The following SAP18 variants were observed in gnomAD, a reference collection of about 807,000 sequenced individuals.
SAP18 encodes the protein histone deacetylase complex subunit SAP18.
In SAP18, 4 loss-of-function variants were observed where a neutral mutation model predicts 18.6. That is an observed-to-expected ratio of 0.21 (90% confidence interval 0.11 to 0.49). SAP18 has a LOEUF of 0.49. SAP18 is among the 20% of genes least tolerant of loss of function. SAP18 has a pLI of 0.98. For synonymous variants in SAP18, 112 were observed against 82.8 expected (o/e 1.35, Z -1.92); for missense variants, 170 against 226.4 (o/e 0.75, Z 1.60).
At chr13:21,141,105 C>T (rs1869450592) in intron 2 of SAP18, 110 bp downstream of exon 2, 1 of 738,634 alleles carries the variant, frequency 1.4e-6, no homozygotes, top group Non-Finnish European at 2.3e-6. Context: ...CATTTCTCCA[C>T]TTGGGGCCTT....
At chr13:21,146,641 T>C (rs1423737079) in intron 2 of SAP18, 164 bp from the exon 3 acceptor site, 5 of 497,334 alleles carry the variant, frequency 1.0e-5, no homozygotes, top group Non-Finnish European at 1.7e-5. Flanking sequence ...TGGAGGCAAA[T>C]AGTATTTTTA....
At chr13:21,144,785 A>G (rs1869589086) in intron 2 of SAP18, among the ~76,000 whole-genome samples, 1 of 152,190 alleles carries the variant, frequency 6.6e-6, no homozygotes, top group Non-Finnish European at 1.5e-5. Context: ...TGGTCTGGAA[A>G]GACAGTCCTT....
At chr13:21,147,289 A>G (rs762471125) in exon 4 of SAP18, 1 of 1,614,116 alleles carries the variant, frequency 6.2e-7, no homozygotes, top group Non-Finnish European at 8.5e-7. Flanking sequence ...GGACATAGCA[A>G]TTACCCCTCC....
chr13:21,140,575 G>T (rs548145674), exon 1 of SAP18: 3 of 1,603,958 alleles, frequency 1.9e-6, no homozygotes, highest in Admixed American at 3.4e-5. Flanking sequence ...GGGGTCGGAG[G>T]TCAGGGCGAG....
chr13:21,146,785 C>A lies in SAP18; in HGVS notation c.240-20C>A. 6.4e-7 allele frequency: 1 copy of A among 1,568,232 alleles called. No individual in the cohort carries two copies. ...CTGATTAATAAGCAAATGTAAATGT[C>A]TTTTTTAAAAAAAATCCAGGATGGA... On this transcript the variant is annotated intron_variant, in intron 2 of 3. Coordinates refer to ENST00000621421, the Ensembl canonical transcript of SAP18.
At chr13:21,146,637 C>A in intron 2 of SAP18, 168 bp from the exon 3 acceptor site, 1 of 483,206 alleles carries the variant, frequency 2.1e-6, no homozygotes. Flanking sequence ...TTTTTGGAGG[C>A]AAATAGTATT....
chr13:21,145,712 C>CA (rs1869626972), intron 2 of SAP18, among the ~76,000 whole-genome samples: 1 of 152,174 alleles, frequency 6.6e-6, no homozygotes, highest in Non-Finnish European at 1.5e-5. Flanking sequence ...GGGGTTTCAC[C>CA]ATGTTGGCCA....
exon 1 of SAP18, chr13:21,140,527 T>C (rs768613316): frequency 3.8e-6 from 6 of 1,561,672 alleles, no homozygotes; most frequent in South Asian, 3.5e-5. Context: ...AGTGTCGAGC[T>C]TCTCCTCGCG....
exon 4 of SAP18, chr13:21,147,490 C>CTAT: frequency 1.4e-6 from 1 of 710,064 alleles, no homozygotes; most frequent in South Asian, 1.9e-5. Context: ...TTTGGATGTG[C>CTAT]TATTGTATGA....
chr13:21,149,035 C>T (rs1869755151), exon 4 of SAP18: 2 of 151,892 alleles, frequency 1.3e-5, no homozygotes, highest in Non-Finnish European at 2.9e-5. Flanking sequence ...AATAACTGAG[C>T]TGTTTCCCCG....
exon 4 of SAP18, chr13:21,148,018 A>ATT (rs1869709319): frequency 6.6e-6 from 1 of 152,060 alleles, no homozygotes; most frequent in Admixed American, 6.6e-5. Context: ...AGATCTGCAA[A>ATT]TGGAGGGAGG....
At chr13:21,145,065 C>CTTTT (rs1167195491) in intron 2 of SAP18, among the ~76,000 whole-genome samples, 59 of 127,730 alleles carry the variant, frequency 4.6e-4, no homozygotes, top group Non-Finnish European at 7.2e-4. Flanking sequence ...TTCTTGACCT[C>CTTTT]TTTTTTTTTT....
In SAP18 at chr13:21,140,532, C is replaced by T. The variant is rs761716479; in HGVS notation, c.-21C>T. The T allele has an allele frequency of 4.9e-5, 77 of 1,565,418 alleles. 1 individual carries two copies. In the South Asian group the frequency reaches 4.9e-4, roughly 10 times the overall value. On this transcript the variant is annotated 5_prime_UTR_variant, in exon 1 of 4. Coordinates refer to ENST00000621421, the Ensembl canonical transcript of SAP18. ...CCGACTATAAAGTGTCGAGCTTCTC[C>T]TCGCGAGAGACTTAGTGCTCATGCT...
intron 2 of SAP18, among the ~76,000 whole-genome samples, chr13:21,145,586 A>C (rs1456771259): frequency 6.6e-6 from 1 of 152,162 alleles, no homozygotes; most frequent in Non-Finnish European, 1.5e-5. Context: ...GGCTCACTGC[A>C]GCCTCCGCCT....
chr13:21,147,226 A>G (rs1315750637), exon 4 of SAP18: 9 of 1,613,918 alleles, frequency 5.6e-6, no homozygotes, highest in African/African-American at 2.7e-5. Context: ...CAGAAAGGGG[A>G]CTGATGATTC....
intron 2 of SAP18, among the ~76,000 whole-genome samples, chr13:21,146,039 CTAAG>C (rs778297794): frequency 4.6e-5 from 7 of 152,236 alleles, no homozygotes; most frequent in Admixed American, 2.0e-4. Context: ...ACAATTCTAT[CTAAG>C]AAAGAAGAAA....
chr13:21,144,130 G>C (rs1028596069), intron 2 of SAP18, among the ~76,000 whole-genome samples: 1 of 152,124 alleles, frequency 6.6e-6, no homozygotes, highest in African/African-American at 2.4e-5. Flanking sequence ...ATTTCTGCTG[G>C]GCGTGGTGGC....
intron 1 of SAP18, 73 bp downstream of exon 1, chr13:21,140,754 T>C: frequency 6.3e-7 from 1 of 1,593,502 alleles, no homozygotes; most frequent in Admixed American, 1.8e-5. Context: ...AGGCGCGGCC[T>C]GTGTGCTGGA....
chr13:21,147,059 ATAAAG>A, intron 3 of SAP18, 122 bp from the exon 4 acceptor site: 1 of 1,434,584 alleles, frequency 7.0e-7, no homozygotes, highest in Non-Finnish European at 9.5e-7. Context: ...GTTTGGCTTA[ATAAAG>A]TAGTTAAATT....
Sources: allele counts gnomAD v4.1 joint callset (sites outside exome capture counted in the v4.1 genomes callset), GRCh38; gene constraint gnomAD v4.1.1; transcripts MANE v1.5; gene names NCBI Gene and HGNC (gene_info 2026-07-23, HGNC 2026-07-21).